GULP1: variants seen among roughly 807,000 people sequenced by gnomAD.
GULP1 encodes GULP PTB domain containing engulfment adaptor 1.
GULP1 carries 19 observed loss-of-function variants against 40.9 expected under a neutral mutation model. The ratio of observed to expected loss-of-function variants is 0.46; its 90% CI spans 0.32 to 0.68. GULP1 has a LOEUF of 0.68. Ranked by LOEUF, GULP1 falls within the 30% of genes least tolerant of loss-of-function variation. The pLI, the probability that GULP1 is intolerant of heterozygous loss-of-function variation, is 0.03. For synonymous variants in GULP1, 119 were observed against 117.6 expected (o/e 1.01, Z -0.08); for missense variants, 312 against 362.2 (o/e 0.86, Z 1.12).
chr2:188,405,890 A>G (rs2053020735), intron 2 of GULP1, among the ~76,000 whole-genome samples: 1 of 152,240 alleles, frequency 6.6e-6, no homozygotes, highest in Admixed American at 6.5e-5. Context: ...CTCATGCCAC[A>G]AGGTTAAGAA....
At chr2:188,548,358 G>A (rs944800016) in intron 7 of GULP1, among the ~76,000 whole-genome samples, 1 of 151,976 alleles carries the variant, frequency 6.6e-6, no homozygotes, top group Non-Finnish European at 1.5e-5. Context: ...ATTTACAATT[G>A]CTAAAAGAAG....
At chr2:188,474,959 C>T (rs1313072045) in intron 2 of GULP1, among the ~76,000 whole-genome samples, 6 of 152,100 alleles carry the variant, frequency 3.9e-5, no homozygotes, top group African/African-American at 1.4e-4. Context: ...AATTGTATTT[C>T]TTAACTTATT....
chr2:188,323,745 A>T (rs1373456328), intron 1 of GULP1, among the ~76,000 whole-genome samples: 1 of 143,004 alleles, frequency 7.0e-6, no homozygotes, highest in South Asian at 2.2e-4. Context: ...CTGTTTTCCT[A>T]TTTTTTTTTT....
At chr2:188,327,772 A>G (rs1444193968) in intron 1 of GULP1, among the ~76,000 whole-genome samples, 1 of 152,090 alleles carries the variant, frequency 6.6e-6, no homozygotes, top group East Asian at 1.9e-4. Flanking sequence ...TTTTGCACTT[A>G]GTAGAATATT....
intron 2 of GULP1, among the ~76,000 whole-genome samples, chr2:188,452,173 C>G (rs1232462731): frequency 6.6e-6 from 1 of 152,128 alleles, no homozygotes; most frequent in East Asian, 1.9e-4. Flanking sequence ...CTAGTTGTCA[C>G]TAAATCTGAA....
intron 4 of GULP1, among the ~76,000 whole-genome samples, chr2:188,500,388 A>G (rs1160568982): frequency 6.6e-6 from 1 of 151,942 alleles, no homozygotes; most frequent in African/African-American, 2.4e-5. Context: ...ATAGGAAGCT[A>G]ATGATAAGCC....
At chr2:188,575,712 T>C (rs184939855) in intron 9 of GULP1, among the ~76,000 whole-genome samples, 2 of 151,700 alleles carry the variant, frequency 1.3e-5, no homozygotes, top group African/African-American at 4.8e-5. Flanking sequence ...AAACTCAGAG[T>C]CTAGATTTGA....
intron 4 of GULP1, among the ~76,000 whole-genome samples, chr2:188,492,808 CAAG>C (rs2153102651): frequency 6.6e-6 from 1 of 152,048 alleles, no homozygotes; most frequent in Non-Finnish European, 1.5e-5. Flanking sequence ...TTTTAAGGTT[CAAG>C]AAGATGATTA....
chr2:188,315,986 T>TA (rs1241947364), intron 1 of GULP1, among the ~76,000 whole-genome samples: 3 of 152,034 alleles, frequency 2.0e-5, no homozygotes, highest in African/African-American at 4.8e-5. Context: ...AGAAGCAGGA[T>TA]ATGAGTAAAT....
intron 1 of GULP1, among the ~76,000 whole-genome samples, chr2:188,319,606 T>C (rs1401805514): frequency 3.9e-5 from 6 of 152,084 alleles, no homozygotes; most frequent in African/African-American, 1.4e-4. Flanking sequence ...TATAAAATAA[T>C]TGTGTTAAGT....
intron 2 of GULP1, among the ~76,000 whole-genome samples, chr2:188,419,855 CTATTT>C (rs1377081571): frequency 1.3e-5 from 2 of 152,074 alleles, no homozygotes; most frequent in Non-Finnish European, 2.9e-5. Flanking sequence ...AGTCCTTAAT[CTATTT>C]TGAGTTGAGT....
chr2:188,354,227 A>C (rs1301289385), intron 1 of GULP1, among the ~76,000 whole-genome samples: 1 of 152,046 alleles, frequency 6.6e-6, no homozygotes, highest in East Asian at 1.9e-4. Flanking sequence ...CAGAGTCACC[A>C]CTGCATGGTG....
chr2:188,542,105 CAA>C (rs1439202873), intron 7 of GULP1: 3 of 144,968 alleles, frequency 2.1e-5, no homozygotes, highest in East Asian at 4.1e-4. Flanking sequence ...GACTCCATCT[CAA>C]GAGAAAAAAA....
At chr2:188,427,993 C>T (rs2056421833) in intron 2 of GULP1, among the ~76,000 whole-genome samples, 1 of 152,220 alleles carries the variant, frequency 6.6e-6, no homozygotes, top group South Asian at 2.1e-4. Flanking sequence ...ACAGAGCTCC[C>T]CAAGGCCTTG....
chr2:188,320,640 T>G (rs75999011), intron 1 of GULP1, among the ~76,000 whole-genome samples: 371 of 152,056 alleles, frequency 2.4e-3, no homozygotes, highest in African/African-American at 7.9e-3. Flanking sequence ...TTAAAAAAAA[T>G]AAAACAAACA....
At chr2:188,478,665 C>A (rs1185556576) in intron 3 of GULP1, among the ~76,000 whole-genome samples, 1 of 152,006 alleles carries the variant, frequency 6.6e-6, no homozygotes, top group Non-Finnish European at 1.5e-5. Flanking sequence ...CCCAGAAAAT[C>A]TAATACTTTT....
chr2:188,540,452 G>C (rs991390551), intron 6 of GULP1, among the ~76,000 whole-genome samples: 1 of 150,446 alleles, frequency 6.6e-6, no homozygotes, highest in African/African-American at 2.5e-5. Flanking sequence ...GTGTGTGTGT[G>C]TGCGTGTGTA....
chr2:188,542,370 A>C (rs1316856809), intron 7 of GULP1, among the ~76,000 whole-genome samples: 2 of 152,280 alleles, frequency 1.3e-5, no homozygotes, highest in South Asian at 4.1e-4. Flanking sequence ...TCATTTGTTT[A>C]TCTAGTTTCA....
intron 9 of GULP1, among the ~76,000 whole-genome samples, chr2:188,581,289 C>A (rs1701262157): frequency 6.6e-6 from 1 of 152,132 alleles, no homozygotes; most frequent in Admixed American, 6.5e-5. Context: ...CCGAAAAAAA[C>A]CCTCAGGAAC....
Sources: allele counts gnomAD v4.1 joint callset (sites outside exome capture counted in the v4.1 genomes callset), GRCh38; gene constraint gnomAD v4.1.1; transcripts MANE v1.5; gene names NCBI Gene and HGNC (gene_info 2026-07-23, HGNC 2026-07-21).